TUB: variants seen among roughly 807,000 people sequenced by gnomAD.
The protein encoded by TUB is tubby protein homolog.
A neutral mutation model predicts 59.7 loss-of-function variants in TUB; 33 were observed. The ratio of observed to expected loss-of-function variants is 0.55; its 90% confidence interval spans 0.42 to 0.74. TUB has a LOEUF of 0.74. Among genes scored for constraint, TUB ranks in the 30% least tolerant of loss-of-function variants. TUB has a pLI of 0.00. For synonymous variants in TUB, 293 were observed against 256.4 expected, an observed-to-expected ratio of 1.14 and a Z score of -1.36; for missense variants, 659 against 672.0, an observed-to-expected ratio of 0.98 and a Z score of 0.21.
At chr11:8,097,638 T>A in intron 7 of TUB, 76 bp from the exon 8 acceptor site, 1 of 1,371,048 alleles carries the variant, frequency 7.3e-7, no homozygotes, top group Non-Finnish European at 1.0e-6. Flanking sequence ...ACGGAGAGAG[T>A]CTGTGTGAGT....
At chr11:8,075,393 T>G (rs144923682) in intron 2 of TUB, among the ~76,000 whole-genome samples, 3 of 152,204 alleles carry the variant, frequency 2.0e-5, no homozygotes, top group Admixed American at 6.5e-5. Context: ...CAGTGTGACT[T>G]TCAGCAGATT....
chr11:8,096,011 A>G (rs1252486240), intron 5 of TUB, among the ~76,000 whole-genome samples: 1 of 152,218 alleles, frequency 6.6e-6, no homozygotes, highest in African/African-American at 2.4e-5. Context: ...TTTTCCCACC[A>G]CAAGCCCTGC....
At chr11:8,044,088 T>G (rs1942792987) in intron 2 of TUB, among the ~76,000 whole-genome samples, 1 of 152,184 alleles carries the variant, frequency 6.6e-6, no homozygotes, top group Non-Finnish European at 1.5e-5. Context: ...TTCCACTGAA[T>G]GTCTTTTGAG....
chr11:8,020,217 C>G (rs1284805376), intron 1 of TUB, among the ~76,000 whole-genome samples: 2 of 152,156 alleles, frequency 1.3e-5, no homozygotes, highest in Non-Finnish European at 2.9e-5. Flanking sequence ...TTCGTAACCC[C>G]AAGTCCATCT....
At chr11:8,098,925 C>T (rs766551262) in intron 9 of TUB, 50 bp downstream of exon 9, 14 of 1,370,940 alleles carry the variant, frequency 1.0e-5, no homozygotes, top group African/African-American at 2.9e-5. Context: ...ATATGAAATC[C>T]AGGACTTGAT....
chr11:8,099,218 T>G lies in TUB; in HGVS notation c.1116+343T>G, dbSNP rs553885446. Among the ~76,000 whole-genome samples, 170 of 152,244 alleles carry G rather than the reference T, an allele frequency of 1.1e-3. 2 individuals are homozygous for G. The highest frequency in any genetic ancestry group is 1.8e-3 in the Non-Finnish European group (123 of 68,010). Reference sequence around the variant, plus strand: ...TCCCTCTGGCATGCCAGGTTCTACATGGATTACACGGCACTTTGTCATCTC... The same window carrying G: ...TCCCTCTGGCATGCCAGGTTCTACAGGGATTACACGGCACTTTGTCATCTC... On this transcript the variant is annotated intron_variant, in intron 9 of 11. Coordinates refer to ENST00000299506, the MANE Select transcript of TUB (RefSeq NM_177972.3).
intron 2 of TUB, among the ~76,000 whole-genome samples, chr11:8,064,503 C>T (rs1007226674): frequency 1.2e-4 from 19 of 152,216 alleles, no homozygotes; most frequent in Non-Finnish European, 2.6e-4. Context: ...CTAGAGAGGC[C>T]TGGCTGGGTA....
chr11:8,029,010 C>T (rs972872797), intron 1 of TUB, among the ~76,000 whole-genome samples: 2 of 152,072 alleles, frequency 1.3e-5, no homozygotes, highest in Non-Finnish European at 2.9e-5. Flanking sequence ...AGACCTGTCT[C>T]AAGAAACAAA....
chr11:8,035,730 T>A (rs114948752), upstream of TUB: 2 of 152,304 alleles, frequency 1.3e-5, no homozygotes, highest in Non-Finnish European at 2.9e-5. Context: ...CAGGGCTGGA[T>A]GAGTGCAAGC....
chr11:8,021,583 T>C (rs796958546), intron 1 of TUB, among the ~76,000 whole-genome samples: 13 of 152,296 alleles, frequency 8.5e-5, no homozygotes, highest in African/African-American at 2.9e-4. Context: ...ATGCATATTG[T>C]AAACGTTTCT....
intron 5 of TUB, among the ~76,000 whole-genome samples, chr11:8,096,482 A>G (rs1943996870): frequency 2.0e-5 from 3 of 152,178 alleles, no homozygotes; most frequent in Non-Finnish European, 4.4e-5. Flanking sequence ...TGTACCTGAG[A>G]GAATATCCTT....
intron 1 of TUB, among the ~76,000 whole-genome samples, chr11:8,030,122 T>C (rs1942549807): frequency 6.6e-6 from 1 of 152,098 alleles, no homozygotes; most frequent in Non-Finnish European, 1.5e-5. Flanking sequence ...AGGTGGGGCA[T>C]GGACTTTTCA....
Position 8,089,624 on chromosome 11 carries a change from A to C in TUB, c.53A>C (p.Glu18Ala). The change falls in exon 2 of 12, where the codon GAG becomes GCG. Residue 18 changes from glutamate (E) to alanine (A), a missense_variant. Around this residue, in one of 3 missense-constraint regions of TUB, gnomAD observed 321 missense variants for 304.3 expected, o/e 1.05. Coordinates refer to ENST00000299506, the MANE Select transcript of TUB (RefSeq NM_177972.3). ...TCGCTCTGCAGTGTCTTAGATGATGAGGGCAGAAACCTGAGGCAGCAGAAG... is the reference window on the plus strand; with the variant it reads ...TCGCTCTGCAGTGTCTTAGATGATGCGGGCAGAAACCTGAGGCAGCAGAAG... The part of the protein sequence containing the change: ...DWIPYSVLDD[E>A]GRNLRQQKLD... 1 of 1,614,146 alleles carries C rather than the reference A, an allele frequency of 6.2e-7. No homozygotes were observed. The highest frequency in any genetic ancestry group is 2.2e-5 in the East Asian group (1 of 44,860).
rs1395588220 is a variant in TUB at position 8,096,756 on chromosome 11, C to A, written c.637C>A (p.Leu213Ile). ...GGAGAATAGCTCCAGCTCCTCCCAGCTAAATAGTAACACCCGCCCCAGCTC... is the reference window on the plus strand; with the variant it reads ...GGAGAATAGCTCCAGCTCCTCCCAGATAAATAGTAACACCCGCCCCAGCTC... ...EEENSSSSSQLNSNTRPSSAT... is the reference protein window; with the variant it reads ...EEENSSSSSQINSNTRPSSAT... Residue 213 changes from leucine (L) to isoleucine (I), a missense_variant, in exon 6 of 12, where the codon CTA becomes ATA. Leu to Ile is a conservative substitution (Grantham distance 5). Coordinates refer to ENST00000299506, the MANE Select transcript of TUB (RefSeq NM_177972.3). 4 of 1,614,018 alleles carry A rather than the reference C, an allele frequency of 2.5e-6. No individual in the cohort carries two copies. The Admixed American group carries it at 6.7e-5, about 27-fold the overall frequency.
intron 2 of TUB, among the ~76,000 whole-genome samples, chr11:8,046,292 G>A (rs975785534): frequency 1.3e-5 from 2 of 152,092 alleles, no homozygotes; most frequent in Admixed American, 6.6e-5. Flanking sequence ...AAATGTTAAG[G>A]CAGAAATGTA....
At chr11:8,037,481 C>T (rs1942664425), upstream of TUB, among the ~76,000 whole-genome samples, 1 of 152,218 alleles carries the variant, frequency 6.6e-6, no homozygotes, top group Non-Finnish European at 1.5e-5. Flanking sequence ...GGGTCTCCAG[C>T]GTCCATTTGG....
chr11:8,074,788 C>T (rs977138277), intron 2 of TUB, among the ~76,000 whole-genome samples: 8 of 130,322 alleles, frequency 6.1e-5, no homozygotes, highest in East Asian at 2.4e-4. Context: ...GCTCTGTCAC[C>T]GAGACTGGAG....
chr11:8,089,921 C>T, intron 2 of TUB, 148 bp from the exon 3 acceptor site: 1 of 1,251,238 alleles, frequency 8.0e-7, no homozygotes, highest in Non-Finnish European at 1.1e-6. Context: ...CACCTGGGCC[C>T]TGTTTTGCCT....
Position 8,101,856 on chromosome 11 carries a change from G to GCTACGGCGA in TUB, c.*238_*239insTACGGCGAC. 6.2e-6 allele frequency: 3 copies of GCTACGGCGA among 482,860 alleles called. No homozygotes were observed. Among genetic ancestry groups the GCTACGGCGA allele is most frequent in the Non-Finnish European group, 6.8e-6 (2 of 295,356 alleles). 29.9% of individuals were successfully genotyped at this position (482,860 alleles called of 1,614,324 possible). ...AAGGGATGAGAATAATTCTTTCCATGCCACGAGATCAACACACACTCCCAC... is the reference window on the plus strand; with the variant it reads ...AAGGGATGAGAATAATTCTTTCCATGCTACGGCGACCACGAGATCAACACACACTCCCAC... On this transcript the variant is annotated 3_prime_UTR_variant, in exon 12 of 12. Transcript: ENST00000299506.
Sources: allele counts gnomAD v4.1 joint callset (sites outside exome capture counted in the v4.1 genomes callset), GRCh38; gene constraint gnomAD v4.1.1; regional missense constraint gnomAD v4.1.1; transcripts MANE v1.5; gene names NCBI Gene and HGNC (gene_info 2026-07-23, HGNC 2026-07-21).